MAP2K5: variants seen among roughly 807,000 people sequenced by gnomAD.
MAP2K5 encodes dual specificity mitogen-activated protein kinase kinase 5.
In MAP2K5, 49 loss-of-function variants were observed where a neutral mutation model predicts 83.1. That is an observed-to-expected ratio of 0.59 (90% CI 0.47 to 0.75). The LOEUF (loss-of-function observed/expected upper bound fraction) is 0.75. MAP2K5 is among the 30% of genes least tolerant of loss of function. MAP2K5 has a pLI of 0.00. For synonymous variants in MAP2K5, 202 were observed against 191.8 expected (o/e 1.05, Z -0.44); for missense variants, 457 against 557.5 (o/e 0.82, Z 1.82).
intron 8 of MAP2K5, among the ~76,000 whole-genome samples, chr15:67,602,155 C>T (rs1431771303): frequency 6.6e-6 from 1 of 152,226 alleles, no homozygotes; most frequent in Non-Finnish European, 1.5e-5. Context: ...CCCACGCAAC[C>T]TCCACTATAA....
At chr15:67,705,131 A>G (rs1283375355) in intron 16 of MAP2K5, among the ~76,000 whole-genome samples, 1 of 152,242 alleles carries the variant, frequency 6.6e-6, no homozygotes, top group Non-Finnish European at 1.5e-5. Context: ...TGACTGAGAC[A>G]GTGATAAAAT....
At chr15:67,655,013 C>T (rs1414251780) in intron 11 of MAP2K5, among the ~76,000 whole-genome samples, 3 of 150,452 alleles carry the variant, frequency 2.0e-5, no homozygotes, top group East Asian at 3.9e-4. Flanking sequence ...TGCAGTGAGC[C>T]GAGATTGTGC....
intron 21 of MAP2K5, among the ~76,000 whole-genome samples, chr15:67,773,465 G>T (rs887092377): frequency 2.0e-5 from 3 of 152,144 alleles, no homozygotes; most frequent in Non-Finnish European, 2.9e-5. Context: ...CCTGCCTTTA[G>T]ATTACTACAG....
intron 13 of MAP2K5, among the ~76,000 whole-genome samples, chr15:67,674,154 C>CT (rs965508713): frequency 6.6e-6 from 1 of 152,100 alleles, no homozygotes; most frequent in Admixed American, 6.5e-5. Flanking sequence ...GCCCCAAACA[C>CT]TTTTTTAAAA....
rs772460979 is a variant in MAP2K5 at position 67,636,599 on chromosome 15, T to C, written c.585+5672T>C. Reference sequence around the variant, plus strand: ...GTGAAAAGCAAGTTTATTAAGAAAGTAAAGGAATAAGAGAATAGCTACTCT... The same window carrying C: ...GTGAAAAGCAAGTTTATTAAGAAAGCAAAGGAATAAGAGAATAGCTACTCT... On this transcript the variant is annotated intron_variant, in intron 9 of 21. Coordinates refer to ENST00000178640, the MANE Select transcript of MAP2K5 (RefSeq NM_145160.3). The surrounding 1 kb of genome is among the most constrained non-coding windows in gnomAD (Gnocchi z 4.7). Among the ~76,000 whole-genome samples, 29 of 152,134 alleles carry C rather than the reference T, an allele frequency of 1.9e-4. No individual in the cohort carries two copies. The highest frequency in any genetic ancestry group is 3.4e-4 in the Non-Finnish European group (23 of 68,000).
At chr15:67,733,930 A>C (rs2089282307) in intron 17 of MAP2K5, among the ~76,000 whole-genome samples, 1 of 152,240 alleles carries the variant, frequency 6.6e-6, no homozygotes, top group Admixed American at 6.5e-5. Flanking sequence ...ACTACATATC[A>C]AAGTATGAGA....
intron 13 of MAP2K5, among the ~76,000 whole-genome samples, chr15:67,692,138 A>G (rs1220309373): frequency 6.6e-6 from 1 of 152,218 alleles, no homozygotes; most frequent in Non-Finnish European, 1.5e-5. Context: ...ATTCTTTGCA[A>G]GAAGATTACA....
At chr15:67,743,239 T>C (rs916609101) in intron 17 of MAP2K5, among the ~76,000 whole-genome samples, 1 of 152,172 alleles carries the variant, frequency 6.6e-6, no homozygotes, top group African/African-American at 2.4e-5. Flanking sequence ...GAGTAGATCT[T>C]AGAATGCGAG....
At chr15:67,597,628 G>C (rs2085556779) in intron 7 of MAP2K5, among the ~76,000 whole-genome samples, 1 of 152,092 alleles carries the variant, frequency 6.6e-6, no homozygotes, top group Non-Finnish European at 1.5e-5. Context: ...GCTTCATTTT[G>C]AAAAGTCGAA....
intron 13 of MAP2K5, among the ~76,000 whole-genome samples, chr15:67,687,406 C>A (rs2087984563): frequency 6.6e-6 from 1 of 152,120 alleles, no homozygotes; most frequent in South Asian, 2.1e-4. Flanking sequence ...AAAGAAACCC[C>A]CACTTAGAAT....
chr15:67,623,223 G>C (rs558022879), intron 8 of MAP2K5, among the ~76,000 whole-genome samples: 1 of 152,142 alleles, frequency 6.6e-6, no homozygotes, highest in Non-Finnish European at 1.5e-5. Flanking sequence ...GTTTAGTGAC[G>C]TTTCTGCTGA....
intron 13 of MAP2K5, chr15:67,670,580 C>G (rs1374515236): frequency 2.7e-6 from 1 of 363,920 alleles, no homozygotes; most frequent in Non-Finnish European, 5.4e-6. Flanking sequence ...AAGAAGTTTT[C>G]CCTGCCAAAA....
chr15:67,638,066 T>G lies in MAP2K5; in HGVS notation c.585+7139T>G, dbSNP rs560055658. Among the ~76,000 whole-genome samples the G allele has an allele frequency of 2.0e-5, 3 of 152,228 alleles. No homozygotes were observed. The East Asian group carries it at 5.8e-4, about 29-fold the overall frequency. On this transcript the variant is annotated intron_variant, in intron 9 of 21. Coordinates refer to ENST00000178640, the MANE Select transcript of MAP2K5 (RefSeq NM_145160.3). The surrounding 1 kb of genome is among the most constrained non-coding windows in gnomAD (Gnocchi z 4.5). ...TAAAAAAGTTAATTTTTTTAACTTT[T>G]AATTTAACTTTTTTAATTTAACTTT...
At chr15:67,727,640 T>C (rs762295231) in intron 16 of MAP2K5, among the ~76,000 whole-genome samples, 1 of 152,194 alleles carries the variant, frequency 6.6e-6, no homozygotes, top group Admixed American at 6.5e-5. Context: ...ATAATGCCCA[T>C]ATAGCTGAGA....
intron 8 of MAP2K5, among the ~76,000 whole-genome samples, chr15:67,621,072 A>G (rs977465545): frequency 6.6e-6 from 1 of 152,154 alleles, no homozygotes; most frequent in Admixed American, 6.5e-5. Flanking sequence ...TTAAAATACC[A>G]AGACACAGCA....
At chr15:67,756,514 ACTGTGTGTGT>A (rs1402563054) in intron 19 of MAP2K5, among the ~76,000 whole-genome samples, 18 of 97,844 alleles carry the variant, frequency 1.8e-4, no homozygotes, top group African/African-American at 4.5e-4. Flanking sequence ...ACACACAGTT[ACTGTGTGTGT>A]GTGTGTGTGT....
intron 8 of MAP2K5, among the ~76,000 whole-genome samples, chr15:67,604,198 A>G (rs2085727829): frequency 6.6e-6 from 1 of 152,244 alleles, no homozygotes. Flanking sequence ...GCTCTATATT[A>G]TGAGAGTGAC....
intron 13 of MAP2K5, among the ~76,000 whole-genome samples, chr15:67,673,952 G>A (rs2087613007): frequency 6.6e-6 from 1 of 152,024 alleles, no homozygotes. Context: ...AGGTTCAAAC[G>A]ATTCTCCTGC....
rs975885955 is a variant in MAP2K5, at chr15:67,775,318, C to T, written c.1242+2566C>T. ...GGTTGTTCTTATGATGGTTTTCGGT[C>T]TTTATATCCTAAGTGGAAGTATTTT... On this transcript the variant is annotated intron_variant, in intron 21 of 21. Coordinates refer to ENST00000178640, the MANE Select transcript of MAP2K5 (RefSeq NM_145160.3). The surrounding 1 kb of genome is among the most constrained non-coding windows in gnomAD (Gnocchi z 5.3). Among the ~76,000 whole-genome samples the T allele has an allele frequency of 2.0e-5, 3 of 152,092 alleles. No individual in the cohort carries two copies. The highest frequency in any genetic ancestry group is 4.4e-5 in the Non-Finnish European group (3 of 68,006).
Sources: gnomAD v4.1 joint callset for allele counts (sites outside exome capture counted in the v4.1 genomes callset) on GRCh38, gnomAD v4.1.1 for gene constraint, Gnocchi (gnomAD v3.1) non-coding constraint, MANE v1.5 for transcripts, NCBI Gene and HGNC (gene_info 2026-07-23, HGNC 2026-07-21) for gene names.